The following GOT2 variants were observed in gnomAD, a reference collection of about 807,000 sequenced individuals.
GOT2 encodes the protein aspartate aminotransferase, mitochondrial.
A neutral mutation model predicts 50.0 loss-of-function variants in GOT2; 17 were observed. The ratio of observed to expected loss-of-function variants is 0.34; its 90% CI spans 0.23 to 0.51. The LOEUF (loss-of-function observed/expected upper bound fraction) is 0.51. GOT2 is among the 20% of genes least tolerant of loss of function. The probability of loss-of-function intolerance (pLI) is 0.97; values close to 1 mark genes in which losing one functional copy is unlikely to be tolerated. For synonymous variants in GOT2, 172 were observed against 204.9 expected (o/e 0.84, Z 1.37); for missense variants, 430 against 559.6 (o/e 0.77, Z 2.34).
At chr16:58,729,436 A>C (rs1003498252) in intron 1 of GOT2, among the ~76,000 whole-genome samples, 2 of 148,756 alleles carry the variant, frequency 1.3e-5, no homozygotes, top group Non-Finnish European at 3.0e-5. Context: ...CTGAGGTGGG[A>C]GGGTCACTTA....
intron 8 of GOT2, among the ~76,000 whole-genome samples, chr16:58,713,076 G>A (rs1597698136): frequency 6.6e-6 from 1 of 151,972 alleles, no homozygotes; most frequent in Middle Eastern, 3.2e-3. Context: ...TCCAGCCTGG[G>A]CAACAAGAGC....
intron 8 of GOT2, among the ~76,000 whole-genome samples, chr16:58,710,023 T>G (rs2044633391): frequency 6.6e-6 from 1 of 152,152 alleles, no homozygotes; most frequent in Non-Finnish European, 1.5e-5. Flanking sequence ...TAAAGTATGC[T>G]AGGGTAAGCT....
At chr16:58,728,249 G>A (rs2044803154) in intron 1 of GOT2, among the ~76,000 whole-genome samples, 1 of 152,056 alleles carries the variant, frequency 6.6e-6, no homozygotes, top group Admixed American at 6.6e-5. Flanking sequence ...TCAGTACTGG[G>A]CAAACTGTAC....
chr16:58,716,626 C>A (rs1346836927), intron 7 of GOT2, 37 bp downstream of exon 7: 3 of 1,596,084 alleles, frequency 1.9e-6, no homozygotes, highest in Non-Finnish European at 1.7e-6. Flanking sequence ...TCTCTCCCAG[C>A]ATGAGAGCAT....
intron 1 of GOT2, among the ~76,000 whole-genome samples, chr16:58,727,521 C>A (rs2044797281): frequency 6.6e-6 from 1 of 152,152 alleles, no homozygotes; most frequent in Non-Finnish European, 1.5e-5. Flanking sequence ...AAGAGTACAA[C>A]ACAATCCCTT....
chr16:58,717,200 G>T (rs1051542191), intron 6 of GOT2, among the ~76,000 whole-genome samples: 1 of 152,080 alleles, frequency 6.6e-6, no homozygotes, highest in Non-Finnish European at 1.5e-5. Context: ...AAAGTGAGAT[G>T]CTGTCTCTGT....
At chr16:58,733,834 G>T in intron 1 of GOT2, 1 of 332,706 alleles carries the variant, frequency 3.0e-6, no homozygotes, top group East Asian at 4.5e-5. Flanking sequence ...CCCTCCCACT[G>T]AATGGGAGTC....
At chr16:58,728,173 G>A (rs556736008) in intron 1 of GOT2, among the ~76,000 whole-genome samples, 13 of 152,258 alleles carry the variant, frequency 8.5e-5, no homozygotes, top group Admixed American at 7.9e-4. Flanking sequence ...ATTATTTCCA[G>A]TTTTTTGGAT....
At chr16:58,712,579 A>T (rs1183703097) in intron 8 of GOT2, among the ~76,000 whole-genome samples, 1 of 152,226 alleles carries the variant, frequency 6.6e-6, no homozygotes, top group Non-Finnish European at 1.5e-5. Flanking sequence ...TATCTTTCTC[A>T]TCAGATTATA....
At chr16:58,723,467 G>A (rs1196267749) in intron 2 of GOT2, among the ~76,000 whole-genome samples, 1 of 152,128 alleles carries the variant, frequency 6.6e-6, no homozygotes, top group African/African-American at 2.4e-5. Flanking sequence ...CAGGATTAAA[G>A]TAGGCATAGC....
chr16:58,715,780 G>A (rs527657564), intron 8 of GOT2, among the ~76,000 whole-genome samples: 28 of 152,192 alleles, frequency 1.8e-4, no homozygotes, highest in African/African-American at 6.5e-4. Flanking sequence ...TCGAACTCCC[G>A]ACCTCAGGTG....
intron 8 of GOT2, among the ~76,000 whole-genome samples, chr16:58,712,858 C>A (rs1027618467): frequency 1.3e-4 from 20 of 152,130 alleles, no homozygotes; most frequent in African/African-American, 3.9e-4. Context: ...GCCTGTAATC[C>A]CAGTACTTTG....
At chr16:58,715,284 T>C (rs2044682570) in intron 8 of GOT2, among the ~76,000 whole-genome samples, 2 of 152,322 alleles carry the variant, frequency 1.3e-5, no homozygotes, top group East Asian at 1.9e-4. Context: ...CTATGTAAGG[T>C]ACTTAATTTG....
chr16:58,715,428 C>G (rs549026582), intron 8 of GOT2, among the ~76,000 whole-genome samples: 2 of 152,244 alleles, frequency 1.3e-5, no homozygotes, highest in East Asian at 3.9e-4. Flanking sequence ...AACAAATACT[C>G]GGGAGGCTGA....
chr16:58,709,590 A>G (rs1038415284), intron 8 of GOT2, 23 bp from the exon 9 acceptor site: 1 of 1,601,268 alleles, frequency 6.2e-7, no homozygotes, highest in East Asian at 2.2e-5. Flanking sequence ...CCTGAGATGC[A>G]GCTCATTCTG....
At chr16:58,721,994 G>A (rs1012369109) in intron 3 of GOT2, 156 bp downstream of exon 3, 2 of 624,592 alleles carry the variant, frequency 3.2e-6, no homozygotes, top group Non-Finnish European at 5.6e-6. Context: ...TAATCAGGCT[G>A]GTCTCGAACT....
Position 58,719,298 on chromosome 16 carries a change from T to C in GOT2, c.376-43A>G, listed in dbSNP as rs369090206. The C allele has an allele frequency of 1.5e-5, 21 of 1,419,332 alleles. No homozygotes were observed. In the African/African-American group the frequency reaches 2.5e-4, roughly 17 times the overall value. 87.9% of individuals were successfully genotyped at this position (1,419,332 alleles called of 1,614,324 possible). A position where few individuals can be genotyped will look rare whatever the true frequency, so the allele number is the denominator to read the frequency against. On this transcript the variant is annotated intron_variant, in intron 3 of 9. Coordinates refer to ENST00000245206, the MANE Select transcript of GOT2 (RefSeq NM_002080.4). ...ACGGTCAGTGATGTGCAACACTCTC[T>C]ATACAGGCCCAGACCCAGGGCCACT...
At chr16:58,726,768 G>A (rs1417258363) in intron 1 of GOT2, among the ~76,000 whole-genome samples, 1 of 151,766 alleles carries the variant, frequency 6.6e-6, no homozygotes, top group Non-Finnish European at 1.5e-5. Flanking sequence ...GATTACAGGC[G>A]TGAGCCACTG....
intron 8 of GOT2, among the ~76,000 whole-genome samples, chr16:58,714,070 T>A (rs1008861330): frequency 6.6e-5 from 10 of 152,074 alleles, no homozygotes; most frequent in Non-Finnish European, 1.2e-4. Flanking sequence ...TTTATTTTTT[T>A]ATTTTCTTTT....
Sources: allele counts gnomAD v4.1 joint callset (sites outside exome capture counted in the v4.1 genomes callset), GRCh38; gene constraint gnomAD v4.1.1; transcripts MANE v1.5; gene names NCBI Gene and HGNC (gene_info 2026-07-23, HGNC 2026-07-21).